The following NKAIN2 variants were observed in gnomAD, a reference collection of about 807,000 sequenced individuals.
The protein encoded by NKAIN2 is sodium/potassium transporting ATPase interacting 2, also known as sodium/potassium-transporting ATPase subunit beta-1-interacting protein 2.
In NKAIN2, 14 loss-of-function variants were observed where a neutral mutation model predicts 32.6. That is an observed-to-expected ratio of 0.43 (90% confidence interval 0.28 to 0.67). The LOEUF is 0.67. Ranked by LOEUF, NKAIN2 falls within the 30% of genes least tolerant of loss-of-function variation. The probability of loss-of-function intolerance (pLI) is 0.17; values close to 1 mark genes in which losing one functional copy is unlikely to be tolerated. For missense variants in NKAIN2, 198 were observed against 258.3 expected (o/e 0.77, Z 1.60); for synonymous variants, 80 against 87.2 (o/e 0.92, Z 0.46).
chr6:124,635,963 A>T (rs1434043462), intron 3 of NKAIN2, among the ~76,000 whole-genome samples: 1 of 152,036 alleles, frequency 6.6e-6, no homozygotes, highest in Non-Finnish European at 1.5e-5. Flanking sequence ...TTTGCAGGAC[A>T]TTTCATGTAA....
At chr6:124,181,135 T>C (rs1789427581) in intron 1 of NKAIN2, among the ~76,000 whole-genome samples, 1 of 152,150 alleles carries the variant, frequency 6.6e-6, no homozygotes, top group Non-Finnish European at 1.5e-5. Context: ...CAACACCATA[T>C]GGAAGCTGCC....
chr6:124,741,903 G>A (rs1183400190), intron 4 of NKAIN2, among the ~76,000 whole-genome samples: 1 of 151,792 alleles, frequency 6.6e-6, no homozygotes. Context: ...AAATGGTACT[G>A]GTTTAACTTT....
intron 3 of NKAIN2, among the ~76,000 whole-genome samples, chr6:124,409,833 T>C (rs148879008): frequency 0.39 from 59,758 of 151,998 alleles, 13,678 homozygotes; most frequent in South Asian, 0.6. Context: ...TGGACTTTTT[T>C]TGGTTGGTAA....
At chr6:124,238,983 G>C (rs1221309824) in intron 1 of NKAIN2, among the ~76,000 whole-genome samples, 3 of 152,052 alleles carry the variant, frequency 2.0e-5, no homozygotes, top group African/African-American at 4.8e-5. Context: ...TGTATAAAGA[G>C]TCAAGACCCA....
intron 1 of NKAIN2, among the ~76,000 whole-genome samples, chr6:124,207,834 G>A (rs965731153): frequency 9.2e-5 from 14 of 151,756 alleles, no homozygotes; most frequent in Admixed American, 5.9e-4. Context: ...GCAACATAAA[G>A]TACAAATAAT....
chr6:124,033,472 T>G (rs960217028), intron 1 of NKAIN2, among the ~76,000 whole-genome samples: 1 of 152,108 alleles, frequency 6.6e-6, no homozygotes, highest in Non-Finnish European at 1.5e-5. Context: ...TTTAGAGCCC[T>G]TGGACATCAA....
chr6:124,137,565 A>G (rs867925047), intron 1 of NKAIN2, among the ~76,000 whole-genome samples: 79 of 152,162 alleles, frequency 5.2e-4, no homozygotes, highest in African/African-American at 1.7e-3. Context: ...AGCATTACTA[A>G]GCAAAAAGAA....
At chr6:124,023,809 G>A (rs1161928520) in intron 1 of NKAIN2, among the ~76,000 whole-genome samples, 1 of 152,084 alleles carries the variant, frequency 6.6e-6, no homozygotes, top group Admixed American at 6.6e-5. Context: ...GCTACAGGAT[G>A]TGAAGGCAAA....
chr6:123,918,339 C>A (rs1247840471), intron 1 of NKAIN2, among the ~76,000 whole-genome samples: 1 of 152,142 alleles, frequency 6.6e-6, no homozygotes, highest in East Asian at 1.9e-4. Flanking sequence ...TGTTTAATAT[C>A]ACAAAAATTG....
At chr6:124,378,941 T>C (rs80053227) in intron 3 of NKAIN2, among the ~76,000 whole-genome samples, 1,783 of 148,396 alleles carry the variant, frequency 0.012, 30 homozygotes, top group African/African-American at 0.042. Context: ...TTTTTTTTTT[T>C]AATAGCTGGG....
chr6:124,369,690 G>A (rs1324012682), intron 3 of NKAIN2, among the ~76,000 whole-genome samples: 2 of 151,928 alleles, frequency 1.3e-5, no homozygotes. Context: ...AAATTTACCT[G>A]AAAAGTATGT....
intron 1 of NKAIN2, among the ~76,000 whole-genome samples, chr6:124,120,365 G>A (rs1785821488): frequency 6.6e-6 from 1 of 152,014 alleles, no homozygotes; most frequent in African/African-American, 2.4e-5. Flanking sequence ...CCTGATAATT[G>A]AACCTACTTT....
intron 1 of NKAIN2, among the ~76,000 whole-genome samples, chr6:123,820,947 C>G (rs1425976501): frequency 2.0e-5 from 3 of 152,070 alleles, no homozygotes; most frequent in African/African-American, 7.2e-5. Context: ...ATTCAAGAAA[C>G]AATTAGAATG....
chr6:124,518,362 A>G (rs1297861248), intron 3 of NKAIN2, among the ~76,000 whole-genome samples: 1 of 151,972 alleles, frequency 6.6e-6, no homozygotes, highest in East Asian at 1.9e-4. Context: ...GTATTAGACC[A>G]TTTTTGCATT....
intron 1 of NKAIN2, among the ~76,000 whole-genome samples, chr6:123,996,609 A>G (rs905405257): frequency 6.6e-6 from 1 of 152,154 alleles, no homozygotes; most frequent in Non-Finnish European, 1.5e-5. Flanking sequence ...TATTTAATAC[A>G]TAATCTTTAC....
At chr6:124,811,981 G>A (rs1217366511) in intron 5 of NKAIN2, among the ~76,000 whole-genome samples, 2 of 152,072 alleles carry the variant, frequency 1.3e-5, no homozygotes, top group African/African-American at 4.8e-5. Flanking sequence ...CCAGTTGTGT[G>A]CCTCTGTTTA....
chr6:123,811,477 ACT>A (rs1392581497), intron 1 of NKAIN2, among the ~76,000 whole-genome samples: 3 of 152,186 alleles, frequency 2.0e-5, no homozygotes, highest in African/African-American at 7.2e-5. Flanking sequence ...CTGAAAAAGT[ACT>A]GGGCTAAGTT....
intron 3 of NKAIN2, among the ~76,000 whole-genome samples, chr6:124,435,843 T>C (rs1418422539): frequency 6.6e-6 from 1 of 152,180 alleles, no homozygotes; most frequent in African/African-American, 2.4e-5. Context: ...ACTAACATTC[T>C]ATAGTCCAAA....
Position 124,222,928 on chromosome 6 carries a change from A to T in NKAIN2, c.55-60077A>T, listed in dbSNP as rs1244679550. Among the ~76,000 whole-genome samples, 4 of 152,276 alleles carry T rather than the reference A, an allele frequency of 2.6e-5. 1 individual carries two copies. The South Asian group carries it at 8.3e-4, about 32-fold the overall frequency. On this transcript the variant is annotated intron_variant, in intron 1 of 6. Coordinates refer to ENST00000368417, the MANE Select transcript of NKAIN2 (RefSeq NM_001040214.3). ...GATATTAGAAAGAACAGAACTGGAG[A>T]GAGTGAGTGAGACAATTTTGAGAAA... is the stretch of plus-strand genomic sequence containing the variant.
Sources: allele counts gnomAD v4.1 joint callset (sites outside exome capture counted in the v4.1 genomes callset), GRCh38; gene constraint gnomAD v4.1.1; transcripts MANE v1.5; gene names NCBI Gene and HGNC (gene_info 2026-07-23, HGNC 2026-07-21).